Variants in PROS1 observed in about 807,000 individuals in gnomAD.
The protein encoded by PROS1 is protein S.
PROS1 carries 29 observed loss-of-function variants against 75.9 expected under a neutral mutation model. The ratio of observed to expected loss-of-function variants is 0.38; its 90% CI spans 0.28 to 0.52. PROS1 has a LOEUF of 0.52. PROS1 is among the 20% of genes least tolerant of loss of function. PROS1 has a pLI of 0.83. For missense variants in PROS1, 680 were observed against 810.3 expected (o/e 0.84, Z 1.95); for synonymous variants, 245 against 280.6 (o/e 0.87, Z 1.27).
chr3:93,943,130 T>G (rs543869054), intron 1 of PROS1, among the ~76,000 whole-genome samples: 114 of 152,216 alleles, frequency 7.5e-4, no homozygotes, highest in African/African-American at 2.7e-3. Context: ...AGTTTCTCAG[T>G]CTCTTGGTAT....
intron 6 of PROS1, among the ~76,000 whole-genome samples, chr3:93,902,314 A>G (rs1708607806): frequency 6.6e-6 from 1 of 152,180 alleles, no homozygotes; most frequent in Non-Finnish European, 1.5e-5. Context: ...AATAAATAAT[A>G]AAATAAAATA....
chr3:93,964,938 T>A (rs1709764540), intron 1 of PROS1, among the ~76,000 whole-genome samples: 1 of 152,100 alleles, frequency 6.6e-6, no homozygotes, highest in Non-Finnish European at 1.5e-5. Context: ...CAACTAAGAA[T>A]CCCTAAGCCT....
At chr3:93,905,743 C>T (rs370945962) in intron 6 of PROS1, 41 bp downstream of exon 6, 71 of 1,597,410 alleles carry the variant, frequency 4.4e-5, no homozygotes, top group Non-Finnish European at 6.0e-5. Flanking sequence ...GGATTATTCT[C>T]ACATAGTAAA....
chr3:93,923,019 C>T lies in PROS1; in HGVS notation c.259+1221G>A, dbSNP rs529200686. On this transcript the variant is annotated intron_variant, in intron 3 of 14. Transcript: ENST00000394236. ...ATATAGTTACAGTGCACACTTAAAA[C>T]TACAGAAGCTGGAAAGCTAAACAAC... is the stretch of plus-strand genomic sequence containing the variant. 4.3e-4 allele frequency among the ~76,000 whole-genome samples: 66 copies of T among 152,282 alleles called. 1 individual carries two copies. The East Asian group carries it at 0.012, about 28-fold the overall frequency.
chr3:93,955,227 T>C (rs1052186006), intron 1 of PROS1, among the ~76,000 whole-genome samples: 5 of 152,178 alleles, frequency 3.3e-5, no homozygotes, highest in Non-Finnish European at 7.3e-5. Flanking sequence ...CCTTACTGGG[T>C]ATATACCCAA....
At chr3:93,961,003 T>C (rs1576218585) in intron 1 of PROS1, among the ~76,000 whole-genome samples, 1 of 152,232 alleles carries the variant, frequency 6.6e-6, no homozygotes, top group East Asian at 1.9e-4. Flanking sequence ...AAAAACACTT[T>C]TCTAAATTAT....
intron 1 of PROS1, among the ~76,000 whole-genome samples, chr3:93,939,253 G>A (rs377137316): frequency 6.1e-4 from 93 of 152,102 alleles, no homozygotes; most frequent in East Asian, 1.7e-3. Flanking sequence ...GGTGCCTGAC[G>A]TCCAGGCATT....
At chr3:93,881,084 A>C (rs1463961490) in intron 12 of PROS1, among the ~76,000 whole-genome samples, 6 of 152,310 alleles carry the variant, frequency 3.9e-5, no homozygotes, top group African/African-American at 1.2e-4. Context: ...CAGCACTGGG[A>C]GGCTGAGGCA....
intron 1 of PROS1, among the ~76,000 whole-genome samples, chr3:93,930,689 GT>G (rs1709093559): frequency 6.6e-6 from 1 of 152,112 alleles, no homozygotes; most frequent in Non-Finnish European, 1.5e-5. Context: ...AATAGCCAAG[GT>G]TTTTGAGTTC....
intron 1 of PROS1, among the ~76,000 whole-genome samples, chr3:93,931,374 G>C (rs1576200771): frequency 6.6e-6 from 1 of 152,042 alleles, no homozygotes; most frequent in East Asian, 1.9e-4. Flanking sequence ...CTAAATTATA[G>C]AGACACTGAT....
intron 4 of PROS1, among the ~76,000 whole-genome samples, chr3:93,910,396 T>C (rs1708742681): frequency 6.6e-6 from 1 of 152,198 alleles, no homozygotes; most frequent in South Asian, 2.1e-4. Context: ...GAGAACACTG[T>C]TCAGTTTAAA....
rs1372558406 is a variant in PROS1, at chr3:93,906,018, T to C, written c.469+3A>G. On this transcript the variant is annotated splice_donor_region_variant and intron_variant, in intron 5 of 14. Coordinates refer to ENST00000394236, the MANE Select transcript of PROS1 (RefSeq NM_000313.4). Reference sequence around the variant, plus strand: ...GCTGGGGGGCGGGGGTTATTATACGTACCAAATTCACACTTTTCTCCTTGC... The same window carrying C: ...GCTGGGGGGCGGGGGTTATTATACGCACCAAATTCACACTTTTCTCCTTGC... 1.9e-6 allele frequency: 3 copies of C among 1,614,120 alleles called. No individual in the cohort carries two copies. The highest frequency in any genetic ancestry group is 1.7e-5 in the Admixed American group (1 of 60,022).
intron 1 of PROS1, among the ~76,000 whole-genome samples, chr3:93,973,287 G>T (rs545966820): frequency 1.1e-4 from 17 of 152,274 alleles, no homozygotes; most frequent in African/African-American, 3.6e-4. Flanking sequence ...GGGGGCAGGC[G>T]CTTGGACAAA....
intron 1 of PROS1, among the ~76,000 whole-genome samples, chr3:93,951,064 G>A (rs560169302): frequency 1.3e-4 from 20 of 152,250 alleles, no homozygotes; most frequent in African/African-American, 4.3e-4. Context: ...AAAAATAAAT[G>A]AAGAAAGCCT....
intron 1 of PROS1, among the ~76,000 whole-genome samples, chr3:93,937,909 AC>A (rs1021086308): frequency 3.3e-5 from 5 of 152,194 alleles, no homozygotes; most frequent in Admixed American, 3.3e-4. Context: ...GAAAGGAAGA[AC>A]CCTTTTGCCT....
intron 6 of PROS1, among the ~76,000 whole-genome samples, chr3:93,902,051 G>A (rs1386583152): frequency 9.2e-5 from 14 of 152,044 alleles, no homozygotes; most frequent in African/African-American, 3.4e-4. Context: ...CAGCAGCAGT[G>A]CTGTAATCCT....
Position 93,884,872 on chromosome 3 carries a change from T to C in PROS1, c.1348A>G (p.Ile450Val), listed in dbSNP as rs1708324090. ...TGCTTCATCAAATTCCAGCTTCGTA[T>C]ACATCCATCTAGACGAGGGTTAATC... Reference protein sequence around the residue: ...KPINPRLDGCIRSWNLMKQGA... With the variant: ...KPINPRLDGCVRSWNLMKQGA... Residue 450 changes from isoleucine (I) to valine (V), a missense_variant, in exon 12 of 15, where the codon ATA (isoleucine) becomes GTA (valine). Ile to Val is a conservative substitution (Grantham distance 29). Coordinates refer to ENST00000394236, the MANE Select transcript of PROS1 (RefSeq NM_000313.4). 6.2e-7 allele frequency: 1 copy of C among 1,613,196 alleles called. No individual in the cohort carries two copies. The highest frequency in any genetic ancestry group is 1.3e-5 in the African/African-American group (1 of 74,884).
chr3:93,906,620 G>C (rs1708679965), intron 4 of PROS1, among the ~76,000 whole-genome samples: 1 of 152,250 alleles, frequency 6.6e-6, no homozygotes, highest in Admixed American at 6.5e-5. Flanking sequence ...CCAAGGACAA[G>C]GGGGAGCTCC....
intron 10 of PROS1, among the ~76,000 whole-genome samples, chr3:93,889,775 T>C (rs1300270990): frequency 3.3e-4 from 50 of 152,174 alleles, no homozygotes; most frequent in Admixed American, 3.3e-3. Flanking sequence ...CTTCATAAGC[T>C]GAGGATCTAC....
Sources: allele counts gnomAD v4.1 joint callset (sites outside exome capture counted in the v4.1 genomes callset), GRCh38; gene constraint gnomAD v4.1.1; transcripts MANE v1.5; gene names NCBI Gene and HGNC (gene_info 2026-07-23, HGNC 2026-07-21).